Variants in CALD1 observed in about 807,000 individuals in gnomAD.
CALD1 encodes the protein caldesmon.
Under a neutral mutation model 99.9 loss-of-function variants are expected in CALD1, and 33 were observed. That is an observed-to-expected ratio of 0.33 (90% CI 0.25 to 0.44). The LOEUF is 0.44. CALD1 is among the 20% of genes least tolerant of loss of function. The pLI, the probability that CALD1 is intolerant of heterozygous loss-of-function variation, is 1.00. For synonymous variants in CALD1, 310 were observed against 325.0 expected (o/e 0.95, Z 0.50); for missense variants, 861 against 962.1 (o/e 0.89, Z 1.39).
intron 3 of CALD1, among the ~76,000 whole-genome samples, chr7:134,915,924 A>G (rs1010090035): frequency 6.6e-6 from 1 of 152,188 alleles, no homozygotes; most frequent in South Asian, 2.1e-4. Context: ...AAGATGATCT[A>G]TCAAGAGCAG....
the CALD1 span, among the ~76,000 whole-genome samples, chr7:134,723,947 A>C: frequency 6.6e-6 from 1 of 152,170 alleles, no homozygotes; most frequent in Non-Finnish European, 1.5e-5. Context: ...TGGGATCTGA[A>C]AAATATTTTA....
intron 1 of CALD1, among the ~76,000 whole-genome samples, chr7:134,835,543 C>T (rs1344173848): frequency 6.6e-6 from 1 of 152,098 alleles, no homozygotes; most frequent in Non-Finnish European, 1.5e-5. Context: ...ATACTTTAAA[C>T]AAACAAGAAC....
intron 4 of CALD1, 38 bp from the exon 5 acceptor site, chr7:134,932,950 A>T (rs1169625091): frequency 7.0e-7 from 1 of 1,419,486 alleles, no homozygotes; most frequent in African/African-American, 1.4e-5. Flanking sequence ...CTGATGAATG[A>T]GCAAGCTGTC....
intron 1 of CALD1, among the ~76,000 whole-genome samples, chr7:134,779,988 G>A (rs1402491934): frequency 1.3e-5 from 2 of 152,114 alleles, no homozygotes. Flanking sequence ...ACCATATAGA[G>A]ACTTACATTT....
intron 1 of CALD1, among the ~76,000 whole-genome samples, chr7:134,818,706 C>T (rs1024219671): frequency 2.0e-5 from 3 of 152,098 alleles, no homozygotes; most frequent in African/African-American, 7.2e-5. Flanking sequence ...TATTTCTCTG[C>T]TCAGTAAATC....
intron 3 of CALD1, among the ~76,000 whole-genome samples, chr7:134,870,510 C>G (rs2290360): frequency 0.77 from 117,799 of 152,206 alleles, 46,079 homozygotes; most frequent in East Asian, 0.97. Flanking sequence ...GGAAGAATTT[C>G]TCTTCTTTTA....
chr7:134,803,469 T>G (rs1798022085), intron 1 of CALD1, among the ~76,000 whole-genome samples: 1 of 152,134 alleles, frequency 6.6e-6, no homozygotes, highest in Admixed American at 6.5e-5. Context: ...CTATCTAGGT[T>G]GCAAGGATCT....
the CALD1 span, among the ~76,000 whole-genome samples, chr7:134,729,116 T>G: frequency 1.3e-5 from 2 of 152,144 alleles, no homozygotes; most frequent in East Asian, 3.9e-4. Context: ...CCTCCCAAAG[T>G]GCTGGGATTA....
chr7:134,847,428 G>T (rs1457763254), intron 2 of CALD1, among the ~76,000 whole-genome samples: 1 of 152,106 alleles, frequency 6.6e-6, no homozygotes. Flanking sequence ...AGAAGGTCTG[G>T]AATCCACTCC....
chr7:134,752,227 A>C (rs563713439), intron 1 of CALD1, among the ~76,000 whole-genome samples: 1 of 152,212 alleles, frequency 6.6e-6, no homozygotes. Flanking sequence ...TGCTTATTTC[A>C]TATAGGCTAA....
intron 14 of CALD1, among the ~76,000 whole-genome samples, chr7:134,965,802 T>A (rs1482822419): frequency 2.0e-5 from 3 of 147,158 alleles, no homozygotes; most frequent in African/African-American, 7.6e-5. Flanking sequence ...ACATTGCCAC[T>A]GCCAGCAGCC....
At chr7:134,827,496 A>G (rs917620595) in intron 1 of CALD1, among the ~76,000 whole-genome samples, 15 of 152,222 alleles carry the variant, frequency 9.9e-5, no homozygotes, top group African/African-American at 3.4e-4. Flanking sequence ...GGCATTCTCC[A>G]CTTTTCAATG....
intron 1 of CALD1, among the ~76,000 whole-genome samples, chr7:134,813,344 A>G (rs1242041997): frequency 1.3e-5 from 2 of 152,140 alleles, no homozygotes; most frequent in African/African-American, 2.4e-5. Flanking sequence ...GCTTAAGACT[A>G]GATATATTTT....
chr7:134,712,498 G>C, the CALD1 span, among the ~76,000 whole-genome samples: 2 of 152,178 alleles, frequency 1.3e-5, no homozygotes, highest in African/African-American at 4.8e-5. Flanking sequence ...CCACAAAGCA[G>C]CCACACTCCT....
At chr7:134,922,845 C>T (rs1473589834) in intron 3 of CALD1, among the ~76,000 whole-genome samples, 1 of 152,214 alleles carries the variant, frequency 6.6e-6, no homozygotes, top group Non-Finnish European at 1.5e-5. Context: ...ACTGAGGCAG[C>T]AAGGCCTGGT....
chr7:134,868,001 AAG>A (rs1424410913), intron 3 of CALD1, 197 bp downstream of exon 3: 3 of 394,842 alleles, frequency 7.6e-6, no homozygotes, highest in Non-Finnish European at 1.4e-5. Context: ...AATCAAGAAA[AAG>A]AGAGATTTGA....
chr7:134,892,061 A>G lies in CALD1; in HGVS notation c.71+24257A>G, dbSNP rs149445284. Among the ~76,000 whole-genome samples the G allele has an allele frequency of 1.8e-4, 27 of 152,302 alleles. 1 individual carries two copies. Among genetic ancestry groups the G allele is most frequent in the African/African-American group, 6.5e-4 (27 of 41,566 alleles). ...AGAATGATCCATTTGCAGGGCTCAG[A>G]GATTTTGGCTAAAGCACACATTGCC... On this transcript the variant is annotated intron_variant, in intron 3 of 14. Transcript: ENST00000361675.
At chr7:134,910,148 T>C (rs1353291535) in intron 3 of CALD1, among the ~76,000 whole-genome samples, 2 of 152,174 alleles carry the variant, frequency 1.3e-5, no homozygotes, top group African/African-American at 4.8e-5. Flanking sequence ...ACTGGTCAAG[T>C]GATTAAGATG....
intron 3 of CALD1, among the ~76,000 whole-genome samples, chr7:134,907,518 G>A (rs1481485807): frequency 1.3e-5 from 2 of 152,050 alleles, no homozygotes; most frequent in Non-Finnish European, 2.9e-5. Context: ...CTTCTTAAAA[G>A]TAAGACTAGG....
Sources: gnomAD v4.1 joint callset for allele counts (sites outside exome capture counted in the v4.1 genomes callset) on GRCh38, gnomAD v4.1.1 for gene constraint, MANE v1.5 for transcripts, NCBI Gene and HGNC (gene_info 2026-07-23, HGNC 2026-07-21) for gene names.